Variants in SUSD1 observed in about 807,000 individuals in gnomAD.
The protein encoded by SUSD1 is sushi domain containing 1.
A neutral mutation model predicts 86.9 loss-of-function variants in SUSD1; 65 were observed. That is an observed-to-expected ratio of 0.75 (90% CI 0.61 to 0.92). The LOEUF is 0.92. Among genes scored for constraint, SUSD1 ranks in the 40% least tolerant of loss-of-function variants. SUSD1 has a pLI of 0.00. For synonymous variants in SUSD1, 346 were observed against 350.0 expected (o/e 0.99, Z 0.13); for missense variants, 850 against 929.7 (o/e 0.91, Z 1.11).
Position 112,078,580 on chromosome 9 carries a change from A to G in SUSD1, c.1711T>C (p.Ser571Pro). 2.5e-6 allele frequency: 4 copies of G among 1,613,898 alleles called. No individual in the cohort carries two copies. Among genetic ancestry groups the G allele is most frequent in the Non-Finnish European group, 3.4e-6 (4 of 1,179,798 alleles). ...NYNVSLRALS[S>P]ELPVVISLTT... ...AGGGAGATGACCACAGGAAGTTCCG[A>G]AGACAGAGCCCGGAGACTGACATTG... Residue 571 changes from serine to proline, a missense_variant, in exon 12 of 17, where the codon TCG (serine) becomes CCG (proline). Coordinates refer to ENST00000374270, the MANE Select transcript of SUSD1 (RefSeq NM_022486.5).
intron 15 of SUSD1, among the ~76,000 whole-genome samples, chr9:112,042,941 A>AAAAGTTATAACTGAG (rs1827804266): frequency 6.6e-6 from 1 of 151,552 alleles, no homozygotes; most frequent in South Asian, 2.1e-4. Flanking sequence ...CCGCCTTTTT[A>AAAAGTTATAACTGAG]AAAATTATAA....
chr9:112,138,237 G>GTATATATATATATATATATATATA (rs375674193), intron 5 of SUSD1, among the ~76,000 whole-genome samples: 2 of 4,146 alleles, frequency 4.8e-4, no homozygotes, highest in Non-Finnish European at 3.6e-4. Flanking sequence ...AAAAAAATGT[G>GTATATATATATATATATATATATA]TATATATATA....
intron 1 of SUSD1, among the ~76,000 whole-genome samples, chr9:112,172,990 C>G (rs1369782795): frequency 2.0e-5 from 3 of 152,178 alleles, no homozygotes; most frequent in Non-Finnish European, 4.4e-5. Context: ...CCCAAATTCA[C>G]CCCCAAAACC....
At chr9:112,087,422 C>G (rs561780316) in intron 10 of SUSD1, among the ~76,000 whole-genome samples, 23 of 152,270 alleles carry the variant, frequency 1.5e-4, no homozygotes, top group African/African-American at 5.5e-4. Context: ...CTCAAGTGAT[C>G]CGCTCACCTC....
At position 112,167,113 on chromosome 9, in the gene SUSD1, A is replaced by AT. The variant is rs35987573; in HGVS notation, c.103+8019dup. Among the ~76,000 whole-genome samples, 106 of 149,876 alleles carry AT rather than the reference A, an allele frequency of 7.1e-4. No homozygotes were observed. The South Asian group carries it at 8.2e-3, about 12-fold the overall frequency. ...AGCAAGTTAAACTGTCAGTTCTCCA[A>AT]TTTTTTTTTGTCTCCCTCTTTCACC... is the stretch of plus-strand genomic sequence containing the variant. On this transcript the variant is annotated intron_variant, in intron 1 of 16. Coordinates refer to ENST00000374270, the MANE Select transcript of SUSD1 (RefSeq NM_022486.5).
chr9:112,048,652 C>T (rs1246841761), intron 15 of SUSD1, among the ~76,000 whole-genome samples: 1 of 152,148 alleles, frequency 6.6e-6, no homozygotes, highest in African/African-American at 2.4e-5. Flanking sequence ...AGAAGACAGA[C>T]AAAACAAGTG....
chr9:112,151,654 C>A (rs1352672371), intron 2 of SUSD1, among the ~76,000 whole-genome samples: 1 of 144,352 alleles, frequency 6.9e-6, no homozygotes, highest in Non-Finnish European at 1.5e-5. Context: ...GTAATCCCAG[C>A]ACTTTGGGAG....
intron 10 of SUSD1, among the ~76,000 whole-genome samples, chr9:112,086,613 C>G (rs1476275508): frequency 6.6e-6 from 1 of 150,820 alleles, no homozygotes; most frequent in African/African-American, 2.5e-5. Flanking sequence ...GCACTGACTA[C>G]AAGGAAAGGA....
intron 14 of SUSD1, among the ~76,000 whole-genome samples, chr9:112,053,699 C>T (rs1054157069): frequency 6.6e-6 from 1 of 152,066 alleles, no homozygotes; most frequent in Non-Finnish European, 1.5e-5. Flanking sequence ...ATAGCAAGGC[C>T]ATTTGGGGGA....
chr9:112,067,890 A>G (rs1433668715), intron 12 of SUSD1, among the ~76,000 whole-genome samples: 1 of 152,190 alleles, frequency 6.6e-6, no homozygotes, highest in Non-Finnish European at 1.5e-5. Context: ...TCAAGACTGT[A>G]TTTACCAGAT....
Position 112,111,765 on chromosome 9 carries a change from T to C in SUSD1, c.1060A>G (p.Arg354Gly). The part of the protein sequence containing the change: ...EETVNLTTDS[R>G]TPEVCLALYP... Reference sequence around the variant, plus strand: ...AGGGCTAGGCACACTTCTGGGGTCCTGCTGTCTGTGGTCAAGTTGACTGTC... The same window carrying C: ...AGGGCTAGGCACACTTCTGGGGTCCCGCTGTCTGTGGTCAAGTTGACTGTC... Residue 354 changes from arginine (R) to glycine (G), a missense_variant, in exon 8 of 17, where the codon AGG becomes GGG. Arg to Gly is a moderately radical substitution (Grantham distance 125). Coordinates refer to ENST00000374270, the MANE Select transcript of SUSD1 (RefSeq NM_022486.5). 6.2e-7 allele frequency: 1 copy of C among 1,614,194 alleles called. No individual in the cohort carries two copies. Among genetic ancestry groups the C allele is most frequent in the Non-Finnish European group, 8.5e-7 (1 of 1,180,016 alleles).
intron 10 of SUSD1, among the ~76,000 whole-genome samples, chr9:112,086,298 C>A (rs1829972546): frequency 1.4e-5 from 2 of 144,746 alleles, no homozygotes; most frequent in African/African-American, 2.6e-5. Context: ...CAGAGCGAGA[C>A]CTTGCCTCAA....
intron 9 of SUSD1, 76 bp downstream of exon 9, chr9:112,102,100 T>C: frequency 1.4e-6 from 1 of 715,124 alleles, no homozygotes; most frequent in Non-Finnish European, 2.3e-6. Context: ...TTAAATACTT[T>C]GGATACTTAC....
intron 2 of SUSD1, among the ~76,000 whole-genome samples, chr9:112,154,566 C>G (rs1833212099): frequency 6.6e-6 from 1 of 152,016 alleles, no homozygotes; most frequent in African/African-American, 2.4e-5. Context: ...TGCATAAGAG[C>G]TTAGAGAGAC....
At chr9:112,135,255 A>G (rs1474687467) in intron 5 of SUSD1, among the ~76,000 whole-genome samples, 2 of 152,220 alleles carry the variant, frequency 1.3e-5, no homozygotes, top group East Asian at 3.8e-4. Flanking sequence ...TTTGTATTCT[A>G]AATTCTTCCA....
rs767751867 is a variant in SUSD1, at chr9:112,102,231, G to C, written c.1226C>G (p.Thr409Ser). ...AGAACGCCTGTTCAATTTCAAACAAGTTTCATTAAATATTGAAATATTGAA... is the reference window on the plus strand; with the variant it reads ...AGAACGCCTGTTCAATTTCAAACAACTTTCATTAAATATTGAAATATTGAA... ...GSFNISIFNE[T>S]CLKLNRRSRK... The change falls in exon 9 of 17, where the codon ACT becomes AGT. Residue 409 changes from threonine to serine, a missense_variant. Coordinates refer to ENST00000374270, the MANE Select transcript of SUSD1 (RefSeq NM_022486.5). 3.7e-6 allele frequency: 6 copies of C among 1,603,506 alleles called. No homozygotes were observed. The highest frequency in any genetic ancestry group is 5.1e-6 in the Non-Finnish European group (6 of 1,175,244).
chr9:112,073,742 A>C (rs1221817940), intron 12 of SUSD1, among the ~76,000 whole-genome samples: 4 of 151,948 alleles, frequency 2.6e-5, no homozygotes, highest in African/African-American at 7.3e-5. Flanking sequence ...ATATTTTTAA[A>C]ATTAGACGGG....
intron 1 of SUSD1, chr9:112,173,562 G>T: frequency 5.7e-6 from 2 of 353,706 alleles, no homozygotes; most frequent in South Asian, 5.1e-5. Context: ...TCCTTCGGGA[G>T]TCTGAGCTGG....
chr9:112,172,194 CT>C (rs1339553510), intron 1 of SUSD1, among the ~76,000 whole-genome samples: 3 of 50,308 alleles, frequency 6.0e-5, no homozygotes, highest in African/African-American at 3.9e-4. Context: ...GTGAGACTGT[CT>C]CAAAAAAAAA....
Sources: gnomAD v4.1 joint callset for allele counts (sites outside exome capture counted in the v4.1 genomes callset) on GRCh38, gnomAD v4.1.1 for gene constraint, MANE v1.5 for transcripts, NCBI Gene and HGNC (gene_info 2026-07-23, HGNC 2026-07-21) for gene names.